PHKB: variants seen among roughly 807,000 people sequenced by gnomAD.
The protein encoded by PHKB is phosphorylase b kinase regulatory subunit beta.
PHKB carries 122 observed loss-of-function variants against 152.1 expected under a neutral mutation model. That is an observed-to-expected ratio of 0.80 (90% CI 0.69 to 0.93). The LOEUF (loss-of-function observed/expected upper bound fraction) is 0.93. PHKB is among the 40% of genes least tolerant of loss of function. The probability of loss-of-function intolerance (pLI) is 0.00; values close to 1 mark genes in which losing one functional copy is unlikely to be tolerated. For synonymous variants in PHKB, 436 were observed against 464.9 expected, an observed-to-expected ratio of 0.94 and a Z score of 0.80; for missense variants, 1,304 against 1,328.4, an observed-to-expected ratio of 0.98 and a Z score of 0.29.
At chr16:47,639,312 T>C (rs1972975707) in intron 14 of PHKB, among the ~76,000 whole-genome samples, 1 of 151,836 alleles carries the variant, frequency 6.6e-6, no homozygotes, top group African/African-American at 2.4e-5. Flanking sequence ...AAATCAATGG[T>C]GGTGGTTTGA....
intron 6 of PHKB, among the ~76,000 whole-genome samples, chr16:47,527,222 A>G (rs1970784026): frequency 6.6e-6 from 1 of 152,170 alleles, no homozygotes; most frequent in South Asian, 2.1e-4. Context: ...GATAGTAGAA[A>G]AGAGTTATGA....
chr16:47,501,972 G>A (rs1362049929), intron 3 of PHKB, among the ~76,000 whole-genome samples: 2 of 152,136 alleles, frequency 1.3e-5, no homozygotes, highest in Non-Finnish European at 2.9e-5. Flanking sequence ...TGCAATGCCA[G>A]CATGAAAAAG....
intron 28 of PHKB, among the ~76,000 whole-genome samples, chr16:47,694,840 C>A (rs1329152910): frequency 6.6e-6 from 1 of 152,208 alleles, no homozygotes; most frequent in Non-Finnish European, 1.5e-5. Context: ...CCCACTAATA[C>A]TTACCAGATT....
At position 47,610,919 on chromosome 16, in the gene PHKB, AG is replaced by A; in HGVS notation, c.1458+1del. On this transcript the variant is annotated frameshift_variant and splice_region_variant, in exon 14 of 31. Transcript: ENST00000323584. LOFTEE classifies it high-confidence loss of function. ...AACGTGAGCATGAGGTTTTCCAATC[AG>A]GTAAAGAATTATTCTATTTCTTGAT... is the stretch of plus-strand genomic sequence containing the variant. The part of the protein sequence containing the change: ...QRNVSMRFSN[Q>X]GPLENDLVVH... 6.5e-7 allele frequency: 1 copy of A among 1,535,808 alleles called. No homozygotes were observed.
At chr16:47,495,535 G>A (rs1254123957) in intron 1 of PHKB, among the ~76,000 whole-genome samples, 2 of 151,998 alleles carry the variant, frequency 1.3e-5, no homozygotes, top group Admixed American at 1.3e-4. Context: ...CAGCAAAGGT[G>A]TCCCCTTTAA....
chr16:47,591,394 A>G (rs1232011567), intron 10 of PHKB, among the ~76,000 whole-genome samples: 4 of 152,150 alleles, frequency 2.6e-5, no homozygotes, highest in Admixed American at 1.3e-4. Flanking sequence ...GCTGGCTTCA[A>G]TCCATTTACA....
intron 26 of PHKB, among the ~76,000 whole-genome samples, chr16:47,670,560 G>T (rs1973620416): frequency 6.6e-6 from 1 of 152,118 alleles, no homozygotes. Context: ...TGCGATCTCA[G>T]CTCACTGCAA....
intron 6 of PHKB, among the ~76,000 whole-genome samples, chr16:47,543,656 T>A (rs566214925): frequency 4.6e-5 from 7 of 152,296 alleles, no homozygotes; most frequent in South Asian, 2.1e-4. Context: ...GGTAGGCTAT[T>A]AATTATTGCC....
intron 10 of PHKB, among the ~76,000 whole-genome samples, chr16:47,592,525 C>T (rs764421820): frequency 6.6e-6 from 1 of 152,240 alleles, no homozygotes; most frequent in African/African-American, 2.4e-5. Context: ...GCTCATCTCC[C>T]CAGTGAATTC....
intron 24 of PHKB, chr16:47,663,961 A>C: frequency 1.7e-6 from 1 of 578,586 alleles, no homozygotes; most frequent in Non-Finnish European, 3.1e-6. Context: ...CCTGAAGAGT[A>C]TTCGCTGGAA....
At chr16:47,586,885 G>A (rs373915629) in intron 8 of PHKB, among the ~76,000 whole-genome samples, 104 of 151,210 alleles carry the variant, frequency 6.9e-4, no homozygotes, top group African/African-American at 2.3e-3. Flanking sequence ...ACACCTATTT[G>A]TTTCATTCAA....
rs555054677 is a variant in PHKB, at chr16:47,625,475, T to C, written c.1458+14555T>C. On this transcript the variant is annotated intron_variant, in intron 14 of 30. Coordinates refer to ENST00000323584, the MANE Select transcript of PHKB (RefSeq NM_000293.3). The stretch of plus-strand genomic sequence containing the variant: ...TTGTCACTCTTTTGCTTGCCTGTTA[T>C]GCTCCAGACACACTGGTCTCCTCTT... Among the ~76,000 whole-genome samples the C allele has an allele frequency of 1.5e-3, 228 of 152,268 alleles. 1 individual carries two copies. The highest frequency in any genetic ancestry group is 3.1e-3 in the Admixed American group (47 of 15,292).
intron 7 of PHKB, chr16:47,561,882 T>C (rs1420440115): frequency 1.3e-5 from 2 of 152,200 alleles, no homozygotes; most frequent in Admixed American, 6.5e-5. Flanking sequence ...TAGGGCTCGA[T>C]ATGATTTTAT....
At chr16:47,526,555 A>G (rs1469419486) in intron 6 of PHKB, among the ~76,000 whole-genome samples, 1 of 152,152 alleles carries the variant, frequency 6.6e-6, no homozygotes, top group East Asian at 1.9e-4. Context: ...TCAAGGCTGT[A>G]GTGAACGGTC....
intron 26 of PHKB, among the ~76,000 whole-genome samples, chr16:47,677,323 A>T (rs1973749802): frequency 6.6e-6 from 1 of 152,226 alleles, no homozygotes; most frequent in Non-Finnish European, 1.5e-5. Flanking sequence ...ATTAATATGA[A>T]TCAAGCAAAA....
At chr16:47,463,573 C>T (rs1969613775) in intron 1 of PHKB, 1 of 268,880 alleles carries the variant, frequency 3.7e-6, no homozygotes, top group East Asian at 9.4e-5. Flanking sequence ...TAACCTGACT[C>T]CAGTATAGAG....
intron 10 of PHKB, among the ~76,000 whole-genome samples, chr16:47,591,193 C>T (rs1972023147): frequency 6.6e-6 from 1 of 152,134 alleles, no homozygotes; most frequent in Non-Finnish European, 1.5e-5. Context: ...CGTCATTAAG[C>T]ACATTGATGT....
intron 1 of PHKB, among the ~76,000 whole-genome samples, chr16:47,472,181 A>G (rs1372140286): frequency 6.6e-6 from 1 of 152,220 alleles, no homozygotes; most frequent in East Asian, 1.9e-4. Flanking sequence ...TGACCCTTCT[A>G]TTCTGAGGAA....
At chr16:47,692,291 T>C (rs1974074635) in intron 27 of PHKB, among the ~76,000 whole-genome samples, 1 of 152,188 alleles carries the variant, frequency 6.6e-6, no homozygotes, top group African/African-American at 2.4e-5. Context: ...TACATTTCAC[T>C]CTGCTGTCTT....
Sources: gnomAD v4.1 joint callset for allele counts (sites outside exome capture counted in the v4.1 genomes callset) on GRCh38, gnomAD v4.1.1 for gene constraint, MANE v1.5 for transcripts, NCBI Gene and HGNC (gene_info 2026-07-23, HGNC 2026-07-21) for gene names.